Variants in CACNB2 observed in about 807,000 individuals in gnomAD.
The protein encoded by CACNB2 is voltage-dependent L-type calcium channel subunit beta-2.
In CACNB2, 42 loss-of-function variants were observed where a neutral mutation model predicts 73.3. The ratio of observed to expected loss-of-function variants is 0.57; its 90% CI spans 0.45 to 0.74. The LOEUF (loss-of-function observed/expected upper bound fraction) is 0.74. CACNB2 is among the 30% of genes least tolerant of loss of function. The probability of loss-of-function intolerance (pLI) is 0.00; values close to 1 mark genes in which losing one functional copy is unlikely to be tolerated. For synonymous variants in CACNB2, 348 were observed against 310.3 expected (o/e 1.12, Z -1.28); for missense variants, 940 against 853.0 (o/e 1.10, Z -1.27).
chr10:18,330,818 G>A (rs959341771), intron 2 of CACNB2, among the ~76,000 whole-genome samples: 13 of 151,398 alleles, frequency 8.6e-5, no homozygotes, highest in South Asian at 2.1e-4. Flanking sequence ...ACAGGCCCCC[G>A]CCACCACGCC....
chr10:18,506,910 C>A (rs902052078), intron 6 of CACNB2, among the ~76,000 whole-genome samples: 1 of 152,206 alleles, frequency 6.6e-6, no homozygotes, highest in Non-Finnish European at 1.5e-5. Flanking sequence ...GTGATCCCCC[C>A]ACCTCCGCTT....
chr10:18,220,655 C>T (rs150593122), intron 2 of CACNB2, among the ~76,000 whole-genome samples: 144 of 152,242 alleles, frequency 9.5e-4, no homozygotes, highest in African/African-American at 3.3e-3. Context: ...AACCAGGCCG[C>T]CCAGCAGTAG....
At chr10:18,264,033 G>A (rs1301551291) in intron 2 of CACNB2, among the ~76,000 whole-genome samples, 1 of 152,186 alleles carries the variant, frequency 6.6e-6, no homozygotes, top group Non-Finnish European at 1.5e-5. Flanking sequence ...AAATCTGTGA[G>A]CTGAATAAAT....
At chr10:18,287,229 T>A (rs934514855) in intron 2 of CACNB2, among the ~76,000 whole-genome samples, 1 of 152,028 alleles carries the variant, frequency 6.6e-6, no homozygotes, top group African/African-American at 2.4e-5. Flanking sequence ...CTCAGGAGGC[T>A]GAGGCACGAG....
intron 3 of CACNB2, among the ~76,000 whole-genome samples, chr10:18,438,979 T>G (rs1472666954): frequency 6.6e-6 from 1 of 152,236 alleles, no homozygotes; most frequent in African/African-American, 2.4e-5. Flanking sequence ...AGCACGTGAA[T>G]TGGTGGTAAA....
At chr10:18,517,414 A>G (rs1472748223) in intron 7 of CACNB2, among the ~76,000 whole-genome samples, 2 of 152,222 alleles carry the variant, frequency 1.3e-5, no homozygotes, top group Admixed American at 6.5e-5. Flanking sequence ...ATTTGAAGCA[A>G]TTAACCTGAA....
chr10:18,304,274 G>A (rs996331009), intron 2 of CACNB2, among the ~76,000 whole-genome samples: 7 of 152,084 alleles, frequency 4.6e-5, no homozygotes, highest in Non-Finnish European at 8.8e-5. Context: ...GTTTTCATAC[G>A]TAGAATTGCA....
intron 3 of CACNB2, among the ~76,000 whole-genome samples, chr10:18,452,504 A>G (rs981412351): frequency 2.6e-5 from 4 of 152,244 alleles, no homozygotes; most frequent in African/African-American, 9.6e-5. Context: ...ACTATCTTCA[A>G]TTAATCTTTG....
In CACNB2 at chr10:18,445,664, C is replaced by T. The variant is rs149590899; in HGVS notation, c.333+43621C>T. 7.2e-5 allele frequency among the ~76,000 whole-genome samples: 11 copies of T among 152,322 alleles called. No homozygotes were observed. The East Asian group carries it at 2.1e-3, about 29-fold the overall frequency. The stretch of plus-strand genomic sequence containing the variant: ...GACGGAAGGCCAGATGTAACAAGCA[C>T]AGTGAATACAGTGCTCTGGGATGTC... On this transcript the variant is annotated intron_variant, in intron 3 of 13. Transcript: ENST00000324631.
At chr10:18,382,267 C>A (rs1025928107) in intron 2 of CACNB2, among the ~76,000 whole-genome samples, 1 of 152,042 alleles carries the variant, frequency 6.6e-6, no homozygotes, top group Non-Finnish European at 1.5e-5. Context: ...CGTCTCATAA[C>A]TCTGTGAATG....
Position 18,539,812 on chromosome 10 carries a change from C to A in CACNB2, c.*88C>A. Reference sequence around the variant, plus strand: ...CAAAACAAAGTCTTTGGGGTCTACACTGCAATCATATGTGATCTGTCTTGT... The same window carrying A: ...CAAAACAAAGTCTTTGGGGTCTACAATGCAATCATATGTGATCTGTCTTGT... On this transcript the variant is annotated 3_prime_UTR_variant, in exon 14 of 14. Transcript: ENST00000324631. 1 of 1,305,880 alleles carries A rather than the reference C, an allele frequency of 7.7e-7. No individual in the cohort carries two copies. The allele number at this position is 1,305,880 out of a possible 1,614,324, so 80.9% of individuals were successfully genotyped here. A position where few individuals can be genotyped will look rare whatever the true frequency, so the allele number is the denominator to read the frequency against.
chr10:18,348,273 T>A (rs2041553226), intron 2 of CACNB2, among the ~76,000 whole-genome samples: 3 of 152,248 alleles, frequency 2.0e-5, no homozygotes, highest in Admixed American at 2.0e-4. Context: ...GTTGAAAATT[T>A]GGAAATTGTG....
intron 3 of CACNB2, among the ~76,000 whole-genome samples, chr10:18,488,878 T>TA (rs543939630): frequency 0.05 from 7,170 of 143,760 alleles, 375 homozygotes; most frequent in South Asian, 0.15. Flanking sequence ...GGAGAACATA[T>TA]AAAAAAAAAA....
At chr10:18,278,544 T>C (rs1235198953) in intron 2 of CACNB2, among the ~76,000 whole-genome samples, 1 of 151,900 alleles carries the variant, frequency 6.6e-6, no homozygotes, top group East Asian at 1.9e-4. Flanking sequence ...ACAAAGAAAA[T>C]GAAACATAAA....
intron 2 of CACNB2, among the ~76,000 whole-genome samples, chr10:18,235,903 C>G (rs1489780635): frequency 6.6e-6 from 1 of 152,120 alleles, no homozygotes; most frequent in Non-Finnish European, 1.5e-5. Context: ...TTCCCCCTTG[C>G]TGTTCTCATG....
chr10:18,531,151 G>A (rs1438248665), intron 10 of CACNB2, among the ~76,000 whole-genome samples: 2 of 152,202 alleles, frequency 1.3e-5, no homozygotes, highest in African/African-American at 4.8e-5. Flanking sequence ...CCACTTAGGT[G>A]TCCCTCAACA....
chr10:18,201,181 T>C (rs2034862073), intron 2 of CACNB2, among the ~76,000 whole-genome samples: 1 of 152,238 alleles, frequency 6.6e-6, no homozygotes, highest in Non-Finnish European at 1.5e-5. Context: ...GCACTATCAT[T>C]TTCTAGCCAC....
At chr10:18,374,191 C>G (rs899325431) in intron 2 of CACNB2, among the ~76,000 whole-genome samples, 1 of 152,054 alleles carries the variant, frequency 6.6e-6, no homozygotes, top group Non-Finnish European at 1.5e-5. Flanking sequence ...ACTGGATGAG[C>G]AAGAAAAGAT....
intron 9 of CACNB2, among the ~76,000 whole-genome samples, chr10:18,525,234 T>A (rs556278920): frequency 2.4e-4 from 36 of 152,168 alleles, no homozygotes; most frequent in Admixed American, 2.3e-3. Context: ...GCTTGGGGAT[T>A]CCTTTCACCT....
Sources: allele counts gnomAD v4.1 joint callset (sites outside exome capture counted in the v4.1 genomes callset), GRCh38; gene constraint gnomAD v4.1.1; transcripts MANE v1.5; gene names NCBI Gene and HGNC (gene_info 2026-07-23, HGNC 2026-07-21).